PPP2R3B: variants seen among roughly 807,000 people sequenced by gnomAD.
PPP2R3B encodes the protein protein phosphatase 2 regulatory subunit B''beta.
A neutral mutation model predicts 72.9 loss-of-function variants in PPP2R3B; 68 were observed. The ratio of observed to expected loss-of-function variants is 0.93; its 90% CI spans 0.77 to 1.14. The LOEUF (loss-of-function observed/expected upper bound fraction) is 1.14, where lower values mean the gene tolerates loss of function less well. Ranked by LOEUF, PPP2R3B falls within the 50% of genes most tolerant of loss-of-function variation. The pLI is 0.00. For missense variants in PPP2R3B, 1,018 were observed against 842.0 expected (o/e 1.21, Z -2.59); for synonymous variants, 466 against 375.8 (o/e 1.24, Z -2.78).
At position 350,546 on chromosome X, in the gene PPP2R3B, T is replaced by C. The variant is rs188048578; in HGVS notation, c.511-2853A>G. ...AGAAAGAGGCCCGAACACGACCGAG[T>C]GGACATGCACTGCCCTCCGGAGAGG... On this transcript the variant is annotated intron_variant, in intron 2 of 12. Transcript: ENST00000390665. 9.7e-3 allele frequency among the ~76,000 whole-genome samples: 1,212 copies of C among 125,246 alleles called. 45 individuals carry two copies. The highest frequency in any genetic ancestry group is 0.094 in the East Asian group (324 of 3,432). The allele number at this position is 125,246 out of a possible 152,430, so 82.2% of individuals were successfully genotyped here.
intron 1 of PPP2R3B, among the ~76,000 whole-genome samples, chrX:381,420 T>C (rs1161660450): frequency 1.3e-5 from 2 of 152,032 alleles, no homozygotes; most frequent in Non-Finnish European, 2.9e-5. Context: ...TGACAGCTCA[T>C]ACTCCATTCT....
chrX:339,274 G>GA (rs942453856), intron 10 of PPP2R3B, among the ~76,000 whole-genome samples: 2 of 150,164 alleles, frequency 1.3e-5, no homozygotes, highest in Admixed American at 6.6e-5. Context: ...CCCATGGCCG[G>GA]GGGGGGCAGG....
rs767477192 is a variant in PPP2R3B, at chrX:347,661, C to G, written c.543G>C (p.Pro181=). ...ACGCPLYWKG[P]LFYGAGGERT... is the part of the protein sequence containing the mutation. The stretch of plus-strand genomic sequence containing the variant: ...GCTCCCCGCCGGCGCCATAGAAGAG[C>G]GGCCCCTTCCAGTAGAGGGGGCAGC... Residue 181 remains proline, a synonymous_variant, in exon 3 of 13, where the codon CCG becomes CCC. Coordinates refer to ENST00000390665, the MANE Select transcript of PPP2R3B (RefSeq NM_013239.5). The G allele has an allele frequency of 2.9e-4, 449 of 1,560,034 alleles. 2 individuals carry two copies. In the East Asian group the frequency reaches 9.2e-3, roughly 32 times the overall value.
At position 346,328 on chromosome X, in the gene PPP2R3B, G is replaced by A. The variant is rs1271822344; in HGVS notation, c.793-68C>T. The A allele has an allele frequency of 4.8e-6, 7 of 1,459,122 alleles. No individual in the cohort carries two copies. The East Asian group carries it at 9.9e-5, about 21-fold the overall frequency. 90.4% of individuals were successfully genotyped at this position (1,459,122 alleles called of 1,614,324 possible). A position where few individuals can be genotyped will look rare whatever the true frequency, so the allele number is the denominator to read the frequency against. On this transcript the variant is annotated intron_variant, in intron 5 of 12. Transcript: ENST00000390665. ...AGGAGCCTCGCCCCGCACGGAGACC[G>A]GGAGCCGGGAGAGGGGCGCGCCCTT... is the stretch of plus-strand genomic sequence containing the variant.
At chrX:348,440 G>A (rs2071268038) in intron 2 of PPP2R3B, among the ~76,000 whole-genome samples, 1 of 151,974 alleles carries the variant, frequency 6.6e-6, no homozygotes, top group African/African-American at 2.4e-5. Context: ...GCCTGGCATG[G>A]TGGCGGGCGC....
chrX:352,701 G>A (rs1489164879), intron 2 of PPP2R3B, among the ~76,000 whole-genome samples: 1 of 151,972 alleles, frequency 6.6e-6, no homozygotes, highest in African/African-American at 2.4e-5. Flanking sequence ...AAAGTCCCGA[G>A]CGTCTACAGT....
At chrX:384,112 T>C (rs1399751331) in intron 1 of PPP2R3B, among the ~76,000 whole-genome samples, 8 of 151,890 alleles carry the variant, frequency 5.3e-5, no homozygotes, top group Non-Finnish European at 1.0e-4. Context: ...TGCCAAAGCA[T>C]TTCTTTTTCT....
Position 338,686 on chromosome X carries a change from G to C in PPP2R3B, c.1495C>G (p.Leu499Val), listed in dbSNP as rs202064367. 3.1e-6 allele frequency: 5 copies of C among 1,611,510 alleles called. No homozygotes were observed. The highest frequency in any genetic ancestry group is 4.2e-6 in the Non-Finnish European group (5 of 1,179,656). The change falls in exon 12 of 13, where the codon CTC becomes GTC. Residue 499 changes from leucine to valine, a missense_variant. By Grantham distance (32) the Leu-to-Val change is conservative. Transcript: ENST00000390665. ...LRDGDSGGPE[L>V]SDWEKYAAEE... ...GCCGCGTACTTCTCCCAGTCCGAGA[G>C]CTCGGGGCCGCCGCTGTCACCGTCC... is the stretch of plus-strand genomic sequence containing the variant.
Position 334,150 on chromosome X carries a change from C to T in PPP2R3B, c.*217G>A. On this transcript the variant is annotated 3_prime_UTR_variant, in exon 13 of 13. Coordinates refer to ENST00000390665, the MANE Select transcript of PPP2R3B (RefSeq NM_013239.5). ...AGAGGGTGTCCGTGTGGGAACCCGT[C>T]CCATTCACGCGCGGCCCTACGTGTC... 2.2e-6 allele frequency: 1 copy of T among 462,984 alleles called. No individual in the cohort carries two copies. The highest frequency in any genetic ancestry group is 3.6e-6 in the Non-Finnish European group (1 of 276,328). 28.7% of individuals were successfully genotyped at this position (462,984 alleles called of 1,614,324 possible).
At chrX:367,161 G>A in intron 1 of PPP2R3B, among the ~76,000 whole-genome samples, 1 of 152,186 alleles carries the variant, frequency 6.6e-6, no homozygotes, top group Non-Finnish European at 1.5e-5. Context: ...CTCCCAAAGG[G>A]AAGGTTGGAA....
At chrX:363,321 A>T (rs748575648) in intron 1 of PPP2R3B, among the ~76,000 whole-genome samples, 1 of 145,054 alleles carries the variant, frequency 6.9e-6, no homozygotes, top group Non-Finnish European at 1.5e-5. Context: ...CCACCATCCC[A>T]CAGTGCATCT....
intron 1 of PPP2R3B, among the ~76,000 whole-genome samples, chrX:382,120 C>A (rs780289687): frequency 2.0e-5 from 3 of 152,096 alleles, no homozygotes; most frequent in Non-Finnish European, 4.4e-5. Flanking sequence ...ACGGTCCACA[C>A]GCATCCTTCC....
intron 1 of PPP2R3B, among the ~76,000 whole-genome samples, chrX:384,597 A>G (rs1445025054): frequency 6.6e-6 from 1 of 152,020 alleles, no homozygotes; most frequent in Non-Finnish European, 1.5e-5. Context: ...CCTGACCAAT[A>G]TAAACAATAT....
chrX:371,637 T>A (rs2071867134), intron 1 of PPP2R3B, among the ~76,000 whole-genome samples: 1 of 152,116 alleles, frequency 6.6e-6, no homozygotes, highest in Non-Finnish European at 1.5e-5. Flanking sequence ...AGTACCGTGC[T>A]GCCCGGCCGG....
At chrX:352,846 G>A (rs2071358784) in intron 2 of PPP2R3B, among the ~76,000 whole-genome samples, 1 of 151,270 alleles carries the variant, frequency 6.6e-6, no homozygotes, top group African/African-American at 2.4e-5. Context: ...ACGTAAAGAT[G>A]TGAAAACGCT....
chrX:334,426 G>A lies in PPP2R3B; in HGVS notation c.1669C>T (p.Leu557=), dbSNP rs1192813719. ...QRPFFEAPSP[L]GAVDLYEYAC... is the part of the protein sequence containing the mutation. The stretch of plus-strand genomic sequence containing the variant: ...TACTCGTACAGGTCCACGGCGCCCA[G>A]CGGTGAGGGCGCCTCGAAGAAGGGC... Residue 557 remains leucine (L), a synonymous_variant, in exon 13 of 13, where the codon CTG becomes TTG. Coordinates refer to ENST00000390665, the MANE Select transcript of PPP2R3B (RefSeq NM_013239.5). 1.9e-6 allele frequency: 3 copies of A among 1,594,426 alleles called. No individual in the cohort carries two copies. The highest frequency in any genetic ancestry group is 1.4e-5 in the African/African-American group (1 of 73,864).
intron 5 of PPP2R3B, 26 bp downstream of exon 5, chrX:346,675 C>T (rs764257494): frequency 2.1e-5 from 34 of 1,593,488 alleles, no homozygotes; most frequent in South Asian, 6.7e-5. Flanking sequence ...GCGCTGGAAC[C>T]GACGGCCCCT....
intron 2 of PPP2R3B, among the ~76,000 whole-genome samples, chrX:350,782 C>T (rs995368502): frequency 2.3e-4 from 35 of 152,206 alleles, no homozygotes; most frequent in Non-Finnish European, 3.8e-4. Flanking sequence ...GCCGGGAAAG[C>T]GGCCCACGGG....
In PPP2R3B at chrX:334,315, C is replaced by T. The variant is rs1178845931; in HGVS notation, c.*52G>A. The T allele has an allele frequency of 2.8e-6, 4 of 1,431,668 alleles. No homozygotes were observed. The highest frequency in any genetic ancestry group is 1.5e-5 in the African/African-American group (1 of 66,268). 88.7% of individuals were successfully genotyped at this position (1,431,668 alleles called of 1,614,324 possible). On this transcript the variant is annotated 3_prime_UTR_variant, in exon 13 of 13. Transcript: ENST00000390665. ...CAGTTTTTACACGAGCCGCGGTGGC[C>T]CGGTGGTGGCACGTGGGGAGCGGCC...
Sources: allele counts gnomAD v4.1 joint callset (sites outside exome capture counted in the v4.1 genomes callset), GRCh38; gene constraint gnomAD v4.1.1; transcripts MANE v1.5; gene names NCBI Gene and HGNC (gene_info 2026-07-23, HGNC 2026-07-21).